The following ADGRV1 variants were observed in gnomAD, a reference collection of about 807,000 sequenced individuals.
ADGRV1 encodes G-protein coupled receptor 98.
ADGRV1 carries 359 observed loss-of-function variants against 596.2 expected under a neutral mutation model. That is an observed-to-expected ratio of 0.60 (90% CI 0.55 to 0.66). ADGRV1 has a LOEUF of 0.66. Among genes scored for constraint, ADGRV1 ranks in the 30% least tolerant of loss-of-function variants. The pLI, the probability that ADGRV1 is intolerant of heterozygous loss-of-function variation, is 0.00. For missense variants in ADGRV1, 7,274 were observed against 7,575.6 expected, an observed-to-expected ratio of 0.96 and a Z score of 1.48; for synonymous variants, 2,681 against 2,679.2, an observed-to-expected ratio of 1.00 and a Z score of -0.02.
intron 50 of ADGRV1, among the ~76,000 whole-genome samples, chr5:90,741,762 A>G (rs879685180): frequency 6.6e-6 from 1 of 152,190 alleles, no homozygotes; most frequent in Non-Finnish European, 1.5e-5. Flanking sequence ...AGAAGTATGA[A>G]AAGATTGTAG....
intron 5 of ADGRV1, among the ~76,000 whole-genome samples, chr5:90,623,324 A>G (rs984545270): frequency 3.3e-5 from 5 of 152,206 alleles, no homozygotes; most frequent in African/African-American, 9.7e-5. Context: ...TTTATGATAA[A>G]TGTTTTCAAA....
At chr5:91,132,642 A>C (rs1172438274) in intron 87 of ADGRV1, among the ~76,000 whole-genome samples, 1 of 152,342 alleles carries the variant, frequency 6.6e-6, no homozygotes, top group East Asian at 1.9e-4. Context: ...AATGCCGTCT[A>C]ATTGGGGGAA....
intron 87 of ADGRV1, among the ~76,000 whole-genome samples, chr5:91,113,115 C>A (rs1339164448): frequency 6.6e-6 from 1 of 152,174 alleles, no homozygotes; most frequent in Non-Finnish European, 1.5e-5. Flanking sequence ...TCCTCTGTAA[C>A]TACCATCACA....
intron 89 of ADGRV1, among the ~76,000 whole-genome samples, chr5:91,159,076 G>A (rs1343104090): frequency 6.6e-6 from 1 of 152,140 alleles, no homozygotes; most frequent in Non-Finnish European, 1.5e-5. Flanking sequence ...TGCCTTTACT[G>A]AGTGCAATAG....
At chr5:90,633,551 A>G (rs1414665789) in intron 9 of ADGRV1, among the ~76,000 whole-genome samples, 2 of 152,030 alleles carry the variant, frequency 1.3e-5, no homozygotes, top group African/African-American at 4.8e-5. Flanking sequence ...GCACACCCTT[A>G]TATTTATATA....
chr5:90,684,139 C>G lies in ADGRV1; in HGVS notation c.6218C>G (p.Ser2073Cys). 6.2e-7 allele frequency: 1 copy of G among 1,613,782 alleles called. No homozygotes were observed. Among genetic ancestry groups the G allele is most frequent in the Non-Finnish European group, 8.5e-7 (1 of 1,179,812 alleles). The change falls in exon 28 of 90, where the codon TCT (serine) becomes TGT (cysteine). Residue 2073 changes from serine (S) to cysteine (C), a missense_variant. By Grantham distance (112) the Ser-to-Cys change is moderately radical. Transcript: ENST00000405460. The part of the protein sequence containing the change: ...LDDDEPERSE[S>C]VFIELLNSTL... ...GATGATGAGCCAGAAAGGTCCGAAT[C>G]TGTCTTTATCGAACTACTCAACTCT...
In ADGRV1 at chr5:90,657,265, A is replaced by T. The variant is rs570003184; in HGVS notation, c.4379-640A>T. ...AGCAAGACCCTGTCTCTACAAAAAA[A>T]ACAAAACAACAACAACAAAAAAAGC... On this transcript the variant is annotated intron_variant, in intron 20 of 89. Transcript: ENST00000405460. Among the ~76,000 whole-genome samples the T allele has an allele frequency of 3.4e-4, 52 of 151,516 alleles. 1 individual carries two copies. Among genetic ancestry groups the T allele is most frequent in the Admixed American group, 9.2e-4 (14 of 15,240 alleles).
chr5:90,718,298 T>G (rs1003313047), intron 43 of ADGRV1: 1 of 152,242 alleles, frequency 6.6e-6, no homozygotes, highest in Non-Finnish European at 1.5e-5. Context: ...ATCTGTGTTG[T>G]TACAGGTATC....
At chr5:91,096,191 G>A (rs1163708635) in intron 86 of ADGRV1, among the ~76,000 whole-genome samples, 1 of 152,206 alleles carries the variant, frequency 6.6e-6, no homozygotes, top group Admixed American at 6.5e-5. Flanking sequence ...ACTTTGGAAG[G>A]TTGTAAACAT....
intron 83 of ADGRV1, among the ~76,000 whole-genome samples, chr5:90,925,035 C>G (rs1456726885): frequency 9.2e-5 from 14 of 151,516 alleles, no homozygotes; most frequent in African/African-American, 2.9e-4. Context: ...GTTACTGTAG[C>G]CTTGTGGTAT....
At chr5:90,878,847 C>T (rs1191591070) in intron 83 of ADGRV1, among the ~76,000 whole-genome samples, 1 of 152,112 alleles carries the variant, frequency 6.6e-6, no homozygotes, top group Non-Finnish European at 1.5e-5. Context: ...TTACACTTTC[C>T]CCACTTACAG....
chr5:90,647,312 G>C (rs1424381111), intron 16 of ADGRV1, among the ~76,000 whole-genome samples, 186 bp from the exon 17 acceptor site: 1 of 152,196 alleles, frequency 6.6e-6, no homozygotes, highest in Non-Finnish European at 1.5e-5. Flanking sequence ...TAAGGCAAGA[G>C]GATGGCCATT....
At position 90,810,787 on chromosome 5, in the gene ADGRV1, T is replaced by C. The variant is rs753914434; in HGVS notation, c.15527T>C (p.Val5176Ala). The C allele has an allele frequency of 6.2e-7, 1 of 1,613,922 alleles. No homozygotes were observed. The highest frequency in any genetic ancestry group is 8.5e-7 in the Non-Finnish European group (1 of 1,179,860). The change falls in exon 74 of 90, where the codon GTT becomes GCT. Residue 5176 changes from valine (V) to alanine (A), a missense_variant. Physicochemically the swap from Val to Ala is moderately conservative, Grantham distance 64. Coordinates refer to ENST00000405460, the MANE Select transcript of ADGRV1 (RefSeq NM_032119.4). ...TTTILQPTNV[V>A]AIVTEATGVS... The stretch of plus-strand genomic sequence containing the variant: ...ACCATTCTGCAGCCAACCAACGTGG[T>C]TGCCATTGTTACTGAGGCAACTGGT...
intron 59 of ADGRV1, among the ~76,000 whole-genome samples, chr5:90,763,855 T>A (rs1401201733): frequency 6.6e-6 from 1 of 152,210 alleles, no homozygotes; most frequent in Non-Finnish European, 1.5e-5. Context: ...AAGGACATGA[T>A]TTAATTATTT....
chr5:90,868,663 T>A (rs1426602271), intron 83 of ADGRV1, among the ~76,000 whole-genome samples: 2 of 148,016 alleles, frequency 1.4e-5, no homozygotes, highest in Non-Finnish European at 3.0e-5. Flanking sequence ...TTTTTTTTTT[T>A]GTACAATTAA....
At chr5:90,724,612 A>C (rs1401235778) in intron 45 of ADGRV1, among the ~76,000 whole-genome samples, 1 of 152,184 alleles carries the variant, frequency 6.6e-6, no homozygotes, top group African/African-American at 2.4e-5. Context: ...CTTGGTTTTT[A>C]AATAATAATT....
intron 1 of ADGRV1, among the ~76,000 whole-genome samples, chr5:90,598,139 C>T (rs1425752239): frequency 6.6e-6 from 1 of 152,184 alleles, no homozygotes; most frequent in Non-Finnish European, 1.5e-5. Flanking sequence ...GGAAAAAACT[C>T]ACTGGAGATG....
chr5:90,788,207 A>G lies in ADGRV1; in HGVS notation c.13790A>G (p.Tyr4597Cys), dbSNP rs749675575. Residue 4597 changes from tyrosine (Y) to cysteine (C), a missense_variant, in exon 68 of 90, where the codon TAT becomes TGT. Transcript: ENST00000405460. ...GGVRTIILTIYPHEEIEVEET... is the reference protein window; with the variant it reads ...GGVRTIILTICPHEEIEVEET... The stretch of plus-strand genomic sequence containing the variant: ...GTGAGAACCATAATTCTGACAATCT[A>G]TCCTCATGAAGAAATTGAAGTTGAA... 20 of 1,613,820 alleles carry G rather than the reference A, an allele frequency of 1.2e-5. No individual in the cohort carries two copies. Among genetic ancestry groups the G allele is most frequent in the Non-Finnish European group, 5.9e-6 (7 of 1,179,734 alleles).
At chr5:91,095,497 T>C (rs1790774832) in intron 86 of ADGRV1, among the ~76,000 whole-genome samples, 1 of 152,292 alleles carries the variant, frequency 6.6e-6, no homozygotes, top group Admixed American at 6.5e-5. Context: ...ATATGTGCCT[T>C]ATTGCCTTCC....
Sources: gnomAD v4.1 joint callset for allele counts (sites outside exome capture counted in the v4.1 genomes callset) on GRCh38, gnomAD v4.1.1 for gene constraint, MANE v1.5 for transcripts, NCBI Gene and HGNC (gene_info 2026-07-23, HGNC 2026-07-21) for gene names.